Variants in PPP4R4 observed in about 807,000 individuals in gnomAD.
PPP4R4 encodes the protein protein phosphatase 4 regulatory subunit 4.
Under a neutral mutation model 121.8 loss-of-function variants are expected in PPP4R4, and 70 were observed. The ratio of observed to expected loss-of-function variants is 0.57; its 90% CI spans 0.47 to 0.70. The LOEUF (loss-of-function observed/expected upper bound fraction) is 0.70. Ranked by LOEUF, PPP4R4 falls within the 30% of genes least tolerant of loss-of-function variation. The pLI is 0.00. For synonymous variants in PPP4R4, 348 were observed against 355.7 expected, an observed-to-expected ratio of 0.98 and a Z score of 0.24; for missense variants, 875 against 1,033.6, an observed-to-expected ratio of 0.85 and a Z score of 2.10.
chr14:94,258,639 G>A (rs907364545), intron 17 of PPP4R4, 144 bp from the exon 18 acceptor site: 1 of 644,950 alleles, frequency 1.6e-6, no homozygotes, highest in African/African-American at 1.8e-5. Flanking sequence ...GTAGAATTGG[G>A]CAGAACTTTA....
intron 2 of PPP4R4, among the ~76,000 whole-genome samples, chr14:94,193,109 G>A (rs1446393898): frequency 6.6e-6 from 1 of 152,052 alleles, no homozygotes; most frequent in Non-Finnish European, 1.5e-5. Context: ...GCAACAAATT[G>A]GTTATCATTT....
Position 94,228,449 on chromosome 14 carries a change from T to C in PPP4R4, c.295-2138T>C, listed in dbSNP as rs78641956. Among the ~76,000 whole-genome samples, 1,061 of 152,318 alleles carry C rather than the reference T, an allele frequency of 7.0e-3. 13 individuals carry two copies. Among genetic ancestry groups the C allele is most frequent in the African/African-American group, 0.023 (951 of 41,580 alleles). The stretch of plus-strand genomic sequence containing the variant: ...TATCCCCTATTGTGATGACTGACAG[T>C]GTCCCACTGTGCTGAATCAAGAAGA... On this transcript the variant is annotated intron_variant, in intron 3 of 24. Coordinates refer to ENST00000304338, the MANE Select transcript of PPP4R4 (RefSeq NM_058237.2).
chr14:94,194,794 T>A (rs553956984), intron 2 of PPP4R4, among the ~76,000 whole-genome samples: 1 of 152,276 alleles, frequency 6.6e-6, no homozygotes, highest in East Asian at 1.9e-4. Flanking sequence ...ATACTGATTA[T>A]GACTAAAGTC....
At chr14:94,244,069 G>A (rs554699105) in intron 11 of PPP4R4, among the ~76,000 whole-genome samples, 12 of 151,986 alleles carry the variant, frequency 7.9e-5, no homozygotes, top group Admixed American at 2.0e-4. Context: ...TGTGGGCTCC[G>A]AGTTTATAAG....
intron 3 of PPP4R4, among the ~76,000 whole-genome samples, chr14:94,222,575 CTT>C (rs71129676): frequency 2.1e-4 from 31 of 145,428 alleles, no homozygotes; most frequent in East Asian, 1.6e-3. Context: ...CATTTGGAAT[CTT>C]TTTTTTTTTT....
chr14:94,229,623 A>T (rs1257420359), intron 3 of PPP4R4, among the ~76,000 whole-genome samples: 1 of 152,212 alleles, frequency 6.6e-6, no homozygotes, highest in African/African-American at 2.4e-5. Flanking sequence ...ATCTTCATGA[A>T]GATGTTGCTA....
Position 94,242,277 on chromosome 14 carries a change from C to T in PPP4R4, c.1147-12C>T, listed in dbSNP as rs1278881894. 1.2e-6 allele frequency: 2 copies of T among 1,610,184 alleles called. No homozygotes were observed. Among genetic ancestry groups the T allele is most frequent in the Non-Finnish European group, 1.7e-6 (2 of 1,177,234 alleles). ...TCCTTCCCACTCATCTCCTCCCTTC[C>T]ACCTCCACCAGGCCATGATTGTTTT... On this transcript the variant is annotated splice_polypyrimidine_tract_variant and intron_variant, in intron 10 of 24. Coordinates refer to ENST00000304338, the MANE Select transcript of PPP4R4 (RefSeq NM_058237.2).
intron 8 of PPP4R4, among the ~76,000 whole-genome samples, chr14:94,239,196 C>CT (rs370068876): frequency 0.14 from 20,436 of 145,214 alleles, 1,928 homozygotes; most frequent in African/African-American, 0.27. Context: ...CCTTCTGCTT[C>CT]TTTTTTTTTT....
At chr14:94,222,350 A>G (rs899043091) in intron 3 of PPP4R4, among the ~76,000 whole-genome samples, 2 of 151,906 alleles carry the variant, frequency 1.3e-5, no homozygotes, top group African/African-American at 4.8e-5. Context: ...TAGACATTAC[A>G]AAAAGGACAT....
chr14:94,230,679 A>G lies in PPP4R4; in HGVS notation c.387A>G (p.Ala129=). The G allele has an allele frequency of 6.2e-7, 1 of 1,613,258 alleles. No individual in the cohort carries two copies. The highest frequency in any genetic ancestry group is 8.5e-7 in the Non-Finnish European group (1 of 1,179,166). The change falls in exon 4 of 25, where the codon GCA becomes GCG. Residue 129 remains alanine (A), a synonymous_variant. Coordinates refer to ENST00000304338, the MANE Select transcript of PPP4R4 (RefSeq NM_058237.2). ...AGGACGAATCAGTGTCAATTCATGC[A>G]TATACCCACTCATTCCTCCAAGTCA... ...ILQDESVSIH[A]YTHSFLQVIL...
At chr14:94,244,055 C>T (rs1566685116) in intron 11 of PPP4R4, among the ~76,000 whole-genome samples, 1 of 151,766 alleles carries the variant, frequency 6.6e-6, no homozygotes, top group African/African-American at 2.4e-5. Context: ...GGTAAATTCA[C>T]CATTGTGGGC....
intron 2 of PPP4R4, among the ~76,000 whole-genome samples, chr14:94,195,258 A>G (rs1889809441): frequency 6.6e-6 from 1 of 152,168 alleles, no homozygotes; most frequent in Non-Finnish European, 1.5e-5. Flanking sequence ...AACTTCTTAG[A>G]AACTTCTTAG....
intron 3 of PPP4R4, among the ~76,000 whole-genome samples, chr14:94,212,277 A>G (rs888593150): frequency 2.0e-5 from 3 of 152,192 alleles, no homozygotes; most frequent in African/African-American, 7.2e-5. Context: ...TCACTGTTTT[A>G]GAGATAAAGG....
intron 21 of PPP4R4, 23 bp downstream of exon 21, chr14:94,265,496 A>T (rs746830295): frequency 6.4e-7 from 1 of 1,560,102 alleles, no homozygotes; most frequent in Non-Finnish European, 8.8e-7. Context: ...TTCTTTTTAT[A>T]TCTTTTTGTA....
At chr14:94,275,031 AAG>A (rs1286526930) in intron 23 of PPP4R4, among the ~76,000 whole-genome samples, 4 of 152,186 alleles carry the variant, frequency 2.6e-5, no homozygotes, top group Non-Finnish European at 1.5e-5. Flanking sequence ...CCAGACAAAA[AAG>A]AGTATATGCT....
At chr14:94,267,166 C>G in intron 23 of PPP4R4, 137 bp downstream of exon 23, 1 of 571,662 alleles carries the variant, frequency 1.7e-6, no homozygotes, top group Non-Finnish European at 3.0e-6. Flanking sequence ...AGAAATTAAA[C>G]TTTTGTCTAG....
Position 94,186,193 on chromosome 14 carries a change from C to T in PPP4R4, c.191+10066C>T, listed in dbSNP as rs548109887. On this transcript the variant is annotated intron_variant, in intron 2 of 24. Transcript: ENST00000304338. ...TAATGATTTTTGACATATGTATACA[C>T]GATTCAGATATTGAACATATCCGTC... 9.2e-5 allele frequency among the ~76,000 whole-genome samples: 14 copies of T among 152,226 alleles called. No homozygotes were observed. The South Asian group carries it at 1.0e-3, about 11-fold the overall frequency.
intron 3 of PPP4R4, among the ~76,000 whole-genome samples, chr14:94,219,471 A>G (rs113387172): frequency 0.012 from 1,857 of 152,312 alleles, 47 homozygotes; most frequent in African/African-American, 0.042. Context: ...ATGTAAAGGA[A>G]ATAACAATTC....
chr14:94,263,040 A>AT (rs544880744), intron 19 of PPP4R4, among the ~76,000 whole-genome samples: 1 of 151,610 alleles, frequency 6.6e-6, no homozygotes, highest in Non-Finnish European at 1.5e-5. Flanking sequence ...CACTTTAAAT[A>AT]TTTTTTTCCT....
Sources: allele counts gnomAD v4.1 joint callset (sites outside exome capture counted in the v4.1 genomes callset), GRCh38; gene constraint gnomAD v4.1.1; transcripts MANE v1.5; gene names NCBI Gene and HGNC (gene_info 2026-07-23, HGNC 2026-07-21).